Variants in NRXN3 observed in about 807,000 individuals in gnomAD.
NRXN3 encodes the protein neurexin III.
NRXN3 carries 32 observed loss-of-function variants against 137.6 expected under a neutral mutation model. That is an observed-to-expected ratio of 0.23 (90% CI 0.18 to 0.31). NRXN3 has a LOEUF of 0.31. NRXN3 is among the 10% of genes least tolerant of loss of function. NRXN3 has a pLI of 1.00. For synonymous variants in NRXN3, 798 were observed against 784.5 expected (o/e 1.02, Z -0.29); for missense variants, 1,574 against 2,062.5 (o/e 0.76, Z 4.59).
chr14:79,381,556 C>T (rs1266332186), intron 15 of NRXN3, among the ~76,000 whole-genome samples: 2 of 152,110 alleles, frequency 1.3e-5, no homozygotes, highest in Non-Finnish European at 2.9e-5. Context: ...TCTCTCAGTA[C>T]CCCTGAAAAA....
chr14:79,199,664 C>T (rs898299790), intron 15 of NRXN3, among the ~76,000 whole-genome samples: 3 of 152,136 alleles, frequency 2.0e-5, no homozygotes, highest in African/African-American at 4.8e-5. Flanking sequence ...ATGAGGAAGA[C>T]CACCACTATT....
At chr14:79,263,883 G>A (rs1393746107) in intron 15 of NRXN3, among the ~76,000 whole-genome samples, 3 of 152,086 alleles carry the variant, frequency 2.0e-5, no homozygotes, top group East Asian at 3.9e-4. Context: ...GGGCAAAGAG[G>A]TGACTCTCTT....
intron 10 of NRXN3, among the ~76,000 whole-genome samples, chr14:78,917,070 T>C (rs1219366565): frequency 6.6e-6 from 1 of 152,186 alleles, no homozygotes; most frequent in Non-Finnish European, 1.5e-5. Context: ...CTCTGTGGTA[T>C]TGGGGTTTAG....
chr14:79,496,011 G>T (rs764247159), intron 16 of NRXN3, among the ~76,000 whole-genome samples: 1 of 151,880 alleles, frequency 6.6e-6, no homozygotes, highest in Non-Finnish European at 1.5e-5. Context: ...AACACTTGAG[G>T]GCAAACATTG....
chr14:79,684,782 T>G (rs556218297), intron 17 of NRXN3, among the ~76,000 whole-genome samples: 1 of 151,926 alleles, frequency 6.6e-6, no homozygotes, highest in Non-Finnish European at 1.5e-5. Flanking sequence ...TACTTAGAAA[T>G]AAATAACCAA....
intron 15 of NRXN3, among the ~76,000 whole-genome samples, chr14:79,024,739 T>C (rs2099595333): frequency 6.6e-6 from 1 of 152,150 alleles, no homozygotes; most frequent in African/African-American, 2.4e-5. Flanking sequence ...CTTAAAATGT[T>C]TGGGGCCCTA....
At chr14:79,285,535 A>G (rs938951539) in intron 15 of NRXN3, among the ~76,000 whole-genome samples, 3 of 152,178 alleles carry the variant, frequency 2.0e-5, no homozygotes, top group Non-Finnish European at 4.4e-5. Flanking sequence ...CCAAGGTGTC[A>G]GCAGGTTTAG....
chr14:78,724,973 G>T (rs1168919088), intron 8 of NRXN3, among the ~76,000 whole-genome samples: 6 of 152,118 alleles, frequency 3.9e-5, no homozygotes, highest in African/African-American at 1.4e-4. Context: ...CTATTTTTCT[G>T]CCAGGTAGAT....
chr14:78,738,043 G>T (rs1251739163), intron 8 of NRXN3, among the ~76,000 whole-genome samples: 1 of 152,156 alleles, frequency 6.6e-6, no homozygotes, highest in Non-Finnish European at 1.5e-5. Context: ...GATTTTAAGG[G>T]TTGGGGATTC....
chr14:78,427,352 G>A (rs770845659), intron 4 of NRXN3, among the ~76,000 whole-genome samples: 1 of 152,206 alleles, frequency 6.6e-6, no homozygotes, highest in Non-Finnish European at 1.5e-5. Flanking sequence ...ACCCTGGAGG[G>A]TGGGAGGAGG....
chr14:79,623,917 T>C (rs1469934347), intron 16 of NRXN3, among the ~76,000 whole-genome samples: 1 of 151,310 alleles, frequency 6.6e-6, no homozygotes, highest in East Asian at 1.9e-4. Context: ...TTTTACTGAT[T>C]GTATTTGTTA....
chr14:79,683,356 C>T (rs1023643036), intron 17 of NRXN3, among the ~76,000 whole-genome samples: 29 of 152,244 alleles, frequency 1.9e-4, no homozygotes, highest in African/African-American at 6.7e-4. Context: ...AACAAAAACT[C>T]ACGCATGCTA....
chr14:78,371,408 C>T (rs940757317), intron 4 of NRXN3, among the ~76,000 whole-genome samples: 1 of 152,158 alleles, frequency 6.6e-6, no homozygotes, highest in African/African-American at 2.4e-5. Context: ...CTGAGAGCCA[C>T]TTCCACTGCT....
chr14:79,260,561 G>C lies in NRXN3; in HGVS notation c.3263-206660G>C, dbSNP rs377204069. On this transcript the variant is annotated intron_variant, in intron 15 of 20. Coordinates refer to ENST00000335750, the MANE Select transcript of NRXN3 (RefSeq NM_001330195.2). The stretch of plus-strand genomic sequence containing the variant: ...TCTGTATGATTTCGTATCTGGTGCT[G>C]TTCTGCACTTCTCAGTTTGGGGGCT... 2.0e-5 allele frequency among the ~76,000 whole-genome samples: 3 copies of C among 152,090 alleles called. No homozygotes were observed. The East Asian group carries it at 5.8e-4, about 29-fold the overall frequency.
intron 16 of NRXN3, among the ~76,000 whole-genome samples, chr14:79,516,957 T>C (rs1284870388): frequency 6.6e-6 from 1 of 152,180 alleles, no homozygotes; most frequent in Non-Finnish European, 1.5e-5. Flanking sequence ...ATGTTTCATT[T>C]TTTACGCATG....
intron 4 of NRXN3, among the ~76,000 whole-genome samples, chr14:78,506,977 T>C (rs1361207100): frequency 1.3e-5 from 2 of 152,198 alleles, no homozygotes; most frequent in Non-Finnish European, 2.9e-5. Context: ...TTTTTCTTGT[T>C]ATTGAGTTGT....
At chr14:79,104,590 C>G (rs1017913231) in intron 15 of NRXN3, among the ~76,000 whole-genome samples, 2 of 152,162 alleles carry the variant, frequency 1.3e-5, no homozygotes, top group South Asian at 2.1e-4. Flanking sequence ...GAAAACCAGA[C>G]AGTCCTTTCT....
At chr14:78,663,851 A>T (rs1333966883) in intron 6 of NRXN3, among the ~76,000 whole-genome samples, 1 of 152,188 alleles carries the variant, frequency 6.6e-6, no homozygotes, top group African/African-American at 2.4e-5. Context: ...AAAGGAGATT[A>T]AAAAAACACT....
intron 16 of NRXN3, among the ~76,000 whole-genome samples, chr14:79,517,760 A>T (rs767218576): frequency 6.6e-6 from 1 of 151,994 alleles, no homozygotes; most frequent in Non-Finnish European, 1.5e-5. Context: ...TTTTAAATTC[A>T]TTTCTGCACT....
Sources: gnomAD v4.1 joint callset for allele counts (sites outside exome capture counted in the v4.1 genomes callset) on GRCh38, gnomAD v4.1.1 for gene constraint, MANE v1.5 for transcripts, NCBI Gene and HGNC (gene_info 2026-07-23, HGNC 2026-07-21) for gene names.